The following PPEF2 variants were observed in gnomAD, a reference collection of about 807,000 sequenced individuals.
The protein encoded by PPEF2 is protein phosphatase with EF-hand domain 2.
A neutral mutation model predicts 84.7 loss-of-function variants in PPEF2; 84 were observed. The observed-to-expected ratio is 0.99, with a 90% confidence interval of 0.83 to 1.19. PPEF2 has a LOEUF of 1.19. PPEF2 is among the 50% of genes most tolerant of loss of function. The pLI, the probability that PPEF2 is intolerant of heterozygous loss-of-function variation, is 0.00. For missense variants in PPEF2, 924 were observed against 937.5 expected, an observed-to-expected ratio of 0.99 and a Z score of 0.19; for synonymous variants, 346 against 345.2, an observed-to-expected ratio of 1.00 and a Z score of -0.03.
chr4:75,876,736 T>C, intron 10 of PPEF2, 63 bp from the exon 11 acceptor site: 1 of 1,476,944 alleles, frequency 6.8e-7, no homozygotes, highest in Non-Finnish European at 9.0e-7. Flanking sequence ...ACAGGTGTGG[T>C]GGCCCACTCC....
At position 75,876,361 on chromosome 4, in the gene PPEF2, G is replaced by A. The variant is rs749904288; in HGVS notation, c.1246C>T (p.Pro416Ser). 1.2e-6 allele frequency: 2 copies of A among 1,614,072 alleles called. No homozygotes were observed. The highest frequency in any genetic ancestry group is 1.7e-5 in the Admixed American group (1 of 60,026). The change falls in exon 11 of 17, where the codon CCC becomes TCC. Residue 416 changes from proline (P) to serine (S), a missense_variant. Coordinates refer to ENST00000286719, the MANE Select transcript of PPEF2 (RefSeq NM_006239.3). The part of the protein sequence containing the change: ...GLLVTGEKEE[P>S]SRSASEADSE... Reference sequence around the variant, plus strand: ...TCTGCTTCTGAGGCTGAGCGGGAGGGCTCCTCTTTCTCTCCGGTCACCAGG... The same window carrying A: ...TCTGCTTCTGAGGCTGAGCGGGAGGACTCCTCTTTCTCTCCGGTCACCAGG...
chr4:75,884,322 G>A (rs1266442333), intron 8 of PPEF2, among the ~76,000 whole-genome samples: 1 of 151,828 alleles, frequency 6.6e-6, no homozygotes, highest in Non-Finnish European at 1.5e-5. Flanking sequence ...TGGCTACTCG[G>A]GAAGCTGAGG....
intron 5 of PPEF2, 30 bp downstream of exon 5, chr4:75,889,927 T>C (rs1393021598): frequency 3.1e-6 from 5 of 1,610,880 alleles, no homozygotes; most frequent in Non-Finnish European, 4.2e-6. Context: ...ATGGAGTTGG[T>C]AGTGACCCAG....
intron 2 of PPEF2, among the ~76,000 whole-genome samples, chr4:75,893,544 A>C (rs1280503918): frequency 9.9e-5 from 15 of 152,162 alleles, no homozygotes; most frequent in Admixed American, 5.9e-4. Context: ...TGAAAGGTCC[A>C]GGGCTGGTGC....
intron 5 of PPEF2, 103 bp downstream of exon 5, chr4:75,889,854 A>T: frequency 7.5e-7 from 1 of 1,327,396 alleles, no homozygotes. Context: ...GACACATGAC[A>T]TGAACACCCT....
chr4:75,889,641 C>A (rs192283054), intron 5 of PPEF2, among the ~76,000 whole-genome samples: 7 of 152,306 alleles, frequency 4.6e-5, no homozygotes, highest in African/African-American at 1.4e-4. Flanking sequence ...CCCATAAGGG[C>A]AGAGATTTTA....
At chr4:75,885,963 C>A (rs576278956) in intron 7 of PPEF2, among the ~76,000 whole-genome samples, 1 of 151,570 alleles carries the variant, frequency 6.6e-6, no homozygotes, top group Non-Finnish European at 1.5e-5. Context: ...GAGCCGAGAT[C>A]GTGCCATTGC....
chr4:75,887,482 G>C (rs1256357425), intron 6 of PPEF2, among the ~76,000 whole-genome samples: 1 of 152,048 alleles, frequency 6.6e-6, no homozygotes, highest in Non-Finnish European at 1.5e-5. Flanking sequence ...TTAGCCGGGC[G>C]TGGTGGCGGG....
chr4:75,885,602 C>A (rs769134044), intron 7 of PPEF2, among the ~76,000 whole-genome samples: 2 of 152,168 alleles, frequency 1.3e-5, no homozygotes, highest in Non-Finnish European at 2.9e-5. Context: ...CAGTGGCTCA[C>A]GCCTGTAATA....
At chr4:75,871,280 C>A (rs1724268792) in intron 13 of PPEF2, among the ~76,000 whole-genome samples, 1 of 152,028 alleles carries the variant, frequency 6.6e-6, no homozygotes, top group South Asian at 2.1e-4. Flanking sequence ...GCCTCATTAA[C>A]AAATCTGTGC....
At chr4:75,887,009 A>T in intron 6 of PPEF2, 111 bp from the exon 7 acceptor site, 1 of 534,340 alleles carries the variant, frequency 1.9e-6, no homozygotes, top group Non-Finnish European at 3.3e-6. Flanking sequence ...AAACCCTACA[A>T]AGTTTTCCAT....
intron 16 of PPEF2, among the ~76,000 whole-genome samples, chr4:75,863,335 C>CAA (rs55667727): frequency 7.1e-6 from 1 of 140,898 alleles, no homozygotes; most frequent in Admixed American, 7.1e-5. Context: ...ACTAAAAATA[C>CAA]AAAAAAAAAA....
chr4:75,873,380 G>T, intron 11 of PPEF2, 68 bp from the exon 12 acceptor site: 1 of 1,383,374 alleles, frequency 7.2e-7, no homozygotes, highest in South Asian at 1.4e-5. Flanking sequence ...TCATTCAAAT[G>T]AAAGGAAGAG....
At position 75,867,401 on chromosome 4, in the gene PPEF2, C is replaced by A. The variant is rs1724157301; in HGVS notation, c.1668G>T (p.Glu556Asp). 2 of 1,613,658 alleles carry A rather than the reference C, an allele frequency of 1.2e-6. No individual in the cohort carries two copies. The highest frequency in any genetic ancestry group is 1.7e-5 in the Admixed American group (1 of 60,018). ...TMRQRISRVE[E>D]SALRALREKL... Reference sequence around the variant, plus strand: ...TCTCCCTCAGAGCTCTCAGAGCCGACTCCTCCACTCTGCTAATCCTGGGAC... The same window carrying A: ...TCTCCCTCAGAGCTCTCAGAGCCGAATCCTCCACTCTGCTAATCCTGGGAC... The change falls in exon 14 of 17, where the codon GAG (glutamate) becomes GAT (aspartate). Residue 556 changes from glutamate to aspartate, a missense_variant. Transcript: ENST00000286719.
intron 10 of PPEF2, among the ~76,000 whole-genome samples, chr4:75,879,512 G>A (rs543775121): frequency 5.8e-4 from 89 of 152,262 alleles, no homozygotes; most frequent in Non-Finnish European, 9.7e-4. Context: ...CTGCAATAAG[G>A]AGAAATTAAC....
chr4:75,866,927 A>G (rs1697625489), intron 14 of PPEF2, among the ~76,000 whole-genome samples: 1 of 152,192 alleles, frequency 6.6e-6, no homozygotes, highest in South Asian at 2.1e-4. Flanking sequence ...AGCAGACAAC[A>G]TTTTTAGCTT....
chr4:75,898,159 G>A (rs567395162), intron 1 of PPEF2, among the ~76,000 whole-genome samples: 8 of 152,342 alleles, frequency 5.3e-5, no homozygotes, highest in African/African-American at 9.6e-5. Context: ...GCCTTTAAGC[G>A]GTTTTCTGCC....
intron 10 of PPEF2, among the ~76,000 whole-genome samples, chr4:75,882,510 GC>G (rs1724602725): frequency 6.7e-6 from 1 of 149,582 alleles, no homozygotes; most frequent in Non-Finnish European, 1.5e-5. Flanking sequence ...CAGCACACTT[GC>G]CCCCTAGCCC....
intron 8 of PPEF2, among the ~76,000 whole-genome samples, chr4:75,883,739 A>T (rs1724640059): frequency 6.8e-6 from 1 of 147,698 alleles, no homozygotes; most frequent in Non-Finnish European, 1.5e-5. Flanking sequence ...AATGGTGTGA[A>T]CCCAGGAGGC....
Sources: allele counts gnomAD v4.1 joint callset (sites outside exome capture counted in the v4.1 genomes callset), GRCh38; gene constraint gnomAD v4.1.1; transcripts MANE v1.5; gene names NCBI Gene and HGNC (gene_info 2026-07-23, HGNC 2026-07-21).